RBMS2: variants seen among roughly 807,000 people sequenced by gnomAD.
RBMS2 encodes RNA-binding motif, single-stranded-interacting protein 2.
RBMS2 carries 38 observed loss-of-function variants against 58.4 expected under a neutral mutation model. The observed-to-expected ratio is 0.65, with a 90% CI of 0.50 to 0.85. RBMS2 has a LOEUF of 0.85. Among genes scored for constraint, RBMS2 ranks in the 40% least tolerant of loss-of-function variants. The pLI, the probability that RBMS2 is intolerant of heterozygous loss-of-function variation, is 0.00. For missense variants in RBMS2, 367 were observed against 503.7 expected (o/e 0.73, Z 2.60); for synonymous variants, 151 against 180.7 (o/e 0.84, Z 1.32).
chr12:56,570,953 G>A (rs960756119), intron 4 of RBMS2, among the ~76,000 whole-genome samples: 2 of 152,166 alleles, frequency 1.3e-5, no homozygotes, highest in Non-Finnish European at 2.9e-5. Context: ...CACCTTTTCT[G>A]TAATGGTTAA....
chr12:56,572,366 T>G (rs1196441928), intron 5 of RBMS2, among the ~76,000 whole-genome samples: 1 of 152,082 alleles, frequency 6.6e-6, no homozygotes, highest in Non-Finnish European at 1.5e-5. Context: ...CCTAAATATT[T>G]TTTTTATAAA....
intron 1 of RBMS2, among the ~76,000 whole-genome samples, chr12:56,555,593 CATTTT>C (rs943046951): frequency 5.2e-4 from 79 of 151,588 alleles, no homozygotes; most frequent in African/African-American, 1.8e-3. Flanking sequence ...CGCCTCTATG[CATTTT>C]ATTTTATTTT....
At chr12:56,520,764 T>G (rs1871648742), upstream of RBMS2, among the ~76,000 whole-genome samples, 1 of 152,074 alleles carries the variant, frequency 6.6e-6, no homozygotes, top group Non-Finnish European at 1.5e-5. Flanking sequence ...CAAAGACAAC[T>G]CAAAGCAGAC....
chr12:56,534,888 G>T (rs2694915), intron 1 of RBMS2, among the ~76,000 whole-genome samples: 1 of 152,100 alleles, frequency 6.6e-6, no homozygotes, highest in African/African-American at 2.4e-5. Context: ...TGATCCGCCC[G>T]CCTCAGCCTC....
intron 5 of RBMS2, chr12:56,580,390 T>G (rs1476218701): frequency 2.2e-5 from 7 of 311,436 alleles, no homozygotes; most frequent in Admixed American, 4.5e-5. Context: ...GTGCCACCAC[T>G]CCCGGCTAAT....
At chr12:56,559,569 C>T (rs928658723) in intron 1 of RBMS2, among the ~76,000 whole-genome samples, 15 of 149,852 alleles carry the variant, frequency 1.0e-4, no homozygotes, top group Admixed American at 4.0e-4. Flanking sequence ...ATTTAGGTCA[C>T]GGCCGGGCGC....
chr12:56,588,223 TAAAGCCC>T, intron 11 of RBMS2, 64 bp from the exon 12 acceptor site: 1 of 1,237,576 alleles, frequency 8.1e-7, no homozygotes, highest in Non-Finnish European at 1.2e-6. Context: ...GTATTTTTTT[TAAAGCCC>T]CTCAGCTGCT....
intron 1 of RBMS2, among the ~76,000 whole-genome samples, chr12:56,528,703 G>A (rs2136240869): frequency 6.6e-6 from 1 of 152,226 alleles, no homozygotes; most frequent in Middle Eastern, 3.4e-3. Context: ...TATCTCCTCG[G>A]CACCGTGTTG....
chr12:56,542,574 G>T (rs1592360232), intron 1 of RBMS2, among the ~76,000 whole-genome samples: 1 of 142,702 alleles, frequency 7.0e-6, no homozygotes, highest in African/African-American at 2.6e-5. Flanking sequence ...TTTTATTCAG[G>T]GTTTCACTGT....
chr12:56,531,329 G>A (rs1329860147), intron 1 of RBMS2, among the ~76,000 whole-genome samples: 2 of 151,846 alleles, frequency 1.3e-5, no homozygotes, highest in African/African-American at 2.4e-5. Flanking sequence ...TAGTGCCTAT[G>A]GTAGGCACTA....
chr12:56,543,917 C>G (rs1048099957), intron 1 of RBMS2, among the ~76,000 whole-genome samples: 64 of 151,820 alleles, frequency 4.2e-4, no homozygotes, highest in Admixed American at 7.2e-4. Flanking sequence ...ATCCGCCCAC[C>G]TCAGCCTCCC....
In RBMS2 at chr12:56,582,167, GA is replaced by G; in HGVS notation, c.873+20del. 1.3e-6 allele frequency: 2 copies of G among 1,567,540 alleles called. No individual in the cohort carries two copies. The highest frequency in any genetic ancestry group is 1.7e-5 in the Admixed American group (1 of 57,400). ...CTTCGTATCAGGTATGTTCATGCCT[GA>G]AAAATGGTGTGGTGGTTTTCCCTAC... On this transcript the variant is annotated intron_variant, in intron 9 of 13. Transcript: ENST00000262031.
At chr12:56,582,867 A>C (rs1038145603) in intron 9 of RBMS2, among the ~76,000 whole-genome samples, 51 of 151,904 alleles carry the variant, frequency 3.4e-4, no homozygotes, top group Non-Finnish European at 5.9e-5. Flanking sequence ...ACGGGGTTTC[A>C]CCATGTTGGC....
At chr12:56,577,679 T>A (rs1352468550) in intron 5 of RBMS2, among the ~76,000 whole-genome samples, 1 of 151,522 alleles carries the variant, frequency 6.6e-6, no homozygotes, top group East Asian at 1.9e-4. Flanking sequence ...GCAAATTTTT[T>A]AATTTTTTAA....
chr12:56,527,274 G>A (rs971763832), intron 1 of RBMS2, among the ~76,000 whole-genome samples: 2 of 152,134 alleles, frequency 1.3e-5, no homozygotes, highest in African/African-American at 4.8e-5. Flanking sequence ...TCTTGACTGG[G>A]GCAGCTGTTC....
intron 1 of RBMS2, among the ~76,000 whole-genome samples, chr12:56,549,185 G>T (rs1011532558): frequency 6.6e-6 from 1 of 151,944 alleles, no homozygotes; most frequent in Admixed American, 6.6e-5. Flanking sequence ...AGTAGAGACG[G>T]GGTTTCACCA....
At chr12:56,565,114 C>T (rs1249795794) in intron 2 of RBMS2, among the ~76,000 whole-genome samples, 1 of 152,168 alleles carries the variant, frequency 6.6e-6, no homozygotes, top group Non-Finnish European at 1.5e-5. Flanking sequence ...ACTTATGATA[C>T]CTCAATACAA....
At position 56,595,819 on chromosome 12, in the gene RBMS2, G is replaced by A. The variant is rs1404836452; in HGVS notation, c.*6686G>A. ...CATCCACACAGAGGGTATGGAACAG[G>A]AGCCCCTGTTGTTCCCTTGCCTGTG... On this transcript the variant is annotated 3_prime_UTR_variant, in exon 14 of 14. Coordinates refer to ENST00000262031, the MANE Select transcript of RBMS2 (RefSeq NM_002898.4). 6.6e-6 allele frequency: 1 copy of A among 152,588 alleles called. No homozygotes were observed. The highest frequency in any genetic ancestry group is 1.5e-5 in the Non-Finnish European group (1 of 68,062). 9.5% of individuals were successfully genotyped at this position (152,588 alleles called of 1,614,324 possible). A position where few individuals can be genotyped will look rare whatever the true frequency, so the allele number is the denominator to read the frequency against.
chr12:56,522,260 A>T (rs963007686), intron 1 of RBMS2, among the ~76,000 whole-genome samples, 171 bp downstream of exon 1: 1 of 151,876 alleles, frequency 6.6e-6, no homozygotes, highest in African/African-American at 2.4e-5. Flanking sequence ...TCTTTCCTCA[A>T]CTGGTTCTGG....
Sources: gnomAD v4.1 joint callset for allele counts (sites outside exome capture counted in the v4.1 genomes callset) on GRCh38, gnomAD v4.1.1 for gene constraint, MANE v1.5 for transcripts, NCBI Gene and HGNC (gene_info 2026-07-23, HGNC 2026-07-21) for gene names.